ALMS1: variants seen among roughly 807,000 people sequenced by gnomAD.
ALMS1 encodes the protein ALMS1 centrosome and basal body associated protein.
ALMS1 carries 271 observed loss-of-function variants against 352.2 expected under a neutral mutation model. The observed-to-expected ratio is 0.77, with a 90% CI of 0.70 to 0.85. The LOEUF (loss-of-function observed/expected upper bound fraction) is 0.85. Ranked by LOEUF, ALMS1 falls within the 40% of genes least tolerant of loss-of-function variation. The pLI is 0.00. For missense variants in ALMS1, 5,445 were observed against 4,870.7 expected (o/e 1.12, Z -3.51); for synonymous variants, 1,865 against 1,761.2 (o/e 1.06, Z -1.48).
intron 10 of ALMS1, among the ~76,000 whole-genome samples, chr2:73,493,247 A>G (rs1458652691): frequency 1.3e-5 from 2 of 151,994 alleles, no homozygotes; most frequent in East Asian, 1.9e-4. Flanking sequence ...CCTGAGACTT[A>G]GAGAAAATAT....
chr2:73,573,127 C>G lies in ALMS1; in HGVS notation c.11250C>G (p.Thr3750=). The G allele has an allele frequency of 6.2e-7, 1 of 1,613,974 alleles. No homozygotes were observed. Among genetic ancestry groups the G allele is most frequent in the East Asian group, 2.2e-5 (1 of 44,870 alleles). ...AGAGTGAGCTGCTCACAGATACTAC[C>G]ACCAACATCCTTTCCGGCACCACTT... The part of the protein sequence containing the change: ...SEESELLTDT[T]TNILSGTTST... Residue 3750 remains threonine, a synonymous_variant, in exon 16 of 23, where the codon ACC becomes ACG. Coordinates refer to ENST00000613296, the MANE Select transcript of ALMS1 (RefSeq NM_001378454.1).
At chr2:73,411,252 A>T (rs1342577454) in intron 2 of ALMS1, among the ~76,000 whole-genome samples, 1 of 151,982 alleles carries the variant, frequency 6.6e-6, no homozygotes, top group African/African-American at 2.4e-5. Flanking sequence ...AGAAATTGGA[A>T]TTATGCTGCC....
chr2:73,447,927 T>C, intron 7 of ALMS1, 33 bp from the exon 8 acceptor site: 2 of 1,556,472 alleles, frequency 1.3e-6, no homozygotes, highest in Non-Finnish European at 1.7e-6. Flanking sequence ...ATAGAAAATT[T>C]TATATACTAT....
intron 9 of ALMS1, among the ~76,000 whole-genome samples, chr2:73,464,440 G>A (rs1223933440): frequency 2.0e-5 from 3 of 152,180 alleles, no homozygotes; most frequent in Non-Finnish European, 4.4e-5. Context: ...TTGATGGGAT[G>A]TATCTCAAAA....
chr2:73,453,873 A>G lies in ALMS1; in HGVS notation c.7346A>G (p.Tyr2449Cys), dbSNP rs766767334. ...GATGTTCTTCTAAACTTCTTTCCAT[A>G]TGTTTCACCCAAGACAAGTATAACA... ...VSDVLLNFFPYVSPKTSITDS... is the reference protein window; with the variant it reads ...VSDVLLNFFPCVSPKTSITDS... The change falls in exon 8 of 23, where the codon TAT (tyrosine) becomes TGT (cysteine). Residue 2449 changes from tyrosine to cysteine, a missense_variant. Tyr to Cys is a radical substitution (Grantham distance 194, BLOSUM62 -2). Coordinates refer to ENST00000613296, the MANE Select transcript of ALMS1 (RefSeq NM_001378454.1). 1.2e-5 allele frequency: 19 copies of G among 1,614,146 alleles called. No individual in the cohort carries two copies. Among genetic ancestry groups the G allele is most frequent in the Non-Finnish European group, 1.5e-5 (18 of 1,180,016 alleles).
chr2:73,553,858 G>A (rs1027869633), intron 13 of ALMS1, among the ~76,000 whole-genome samples: 3 of 152,062 alleles, frequency 2.0e-5, no homozygotes, highest in Non-Finnish European at 4.4e-5. Context: ...ATAAATCCCA[G>A]AACTGAAAGA....
intron 9 of ALMS1, among the ~76,000 whole-genome samples, chr2:73,473,702 G>GA (rs1221973348): frequency 1.3e-5 from 2 of 151,984 alleles, no homozygotes; most frequent in Admixed American, 1.3e-4. Context: ...TTATAAAAAG[G>GA]AAACAAATAG....
At chr2:73,428,359 A>G (rs1176833384) in intron 6 of ALMS1, among the ~76,000 whole-genome samples, 1 of 152,136 alleles carries the variant, frequency 6.6e-6, no homozygotes, top group East Asian at 1.9e-4. Flanking sequence ...CCACCATACC[A>G]TAAACTGTTC....
At position 73,450,134 on chromosome 2, in the gene ALMS1, C is replaced by G. The variant is rs1390041569; in HGVS notation, c.3607C>G (p.Gln1203Glu). Residue 1203 changes from glutamine (Q) to glutamate (E), a missense_variant, in exon 8 of 23, where the codon CAA becomes GAA. By Grantham distance (29) the Gln-to-Glu change is conservative. Transcript: ENST00000613296. ...SQREKPGIFY[Q>E]QTLPGSHIPE... ...AAGAGAGAAACCTGGTATTTTCTAT[C>G]AACAGACCTTGCCAGGTAGTCACAT... 1.9e-6 allele frequency: 3 copies of G among 1,613,934 alleles called. No individual in the cohort carries two copies. The highest frequency in any genetic ancestry group is 2.5e-6 in the Non-Finnish European group (3 of 1,179,982).
At chr2:73,474,530 A>G (rs1672543756) in intron 9 of ALMS1, among the ~76,000 whole-genome samples, 1 of 152,008 alleles carries the variant, frequency 6.6e-6, no homozygotes. Flanking sequence ...GCTGGAGTGT[A>G]GTGGCTGGAT....
At chr2:73,570,382 G>A (rs1674900255) in intron 15 of ALMS1, among the ~76,000 whole-genome samples, 1 of 152,144 alleles carries the variant, frequency 6.6e-6, no homozygotes, top group Admixed American at 6.5e-5. Flanking sequence ...AATATAGACT[G>A]AGAACATTTC....
At chr2:73,488,366 C>G (rs1348056744) in intron 9 of ALMS1, among the ~76,000 whole-genome samples, 1 of 152,234 alleles carries the variant, frequency 6.6e-6, no homozygotes, top group East Asian at 1.9e-4. Flanking sequence ...TGGACTTGGC[C>G]TCAACTTTGC....
Position 73,453,412 on chromosome 2 carries a change from A to G in ALMS1, c.6885A>G (p.Ile2295Met). Residue 2295 changes from isoleucine to methionine, a missense_variant, in exon 8 of 23, where the codon ATA becomes ATG. Transcript: ENST00000613296. The part of the protein sequence containing the change: ...RFRDISDISF[I>M]QSKKVVCFKE... ...GAGATATTAGTGATATTTCATTTAT[A>G]CAATCTAAGAAGGTGGTTTGCTTCA... 6.2e-7 allele frequency: 1 copy of G among 1,613,800 alleles called. No homozygotes were observed. Among genetic ancestry groups the G allele is most frequent in the Non-Finnish European group, 8.5e-7 (1 of 1,179,880 alleles).
At position 73,419,309 on chromosome 2, in the gene ALMS1, C is replaced by G. The variant is rs1671242013; in HGVS notation, c.637C>G (p.Pro213Ala). 1.9e-6 allele frequency: 3 copies of G among 1,613,642 alleles called. No homozygotes were observed. The highest frequency in any genetic ancestry group is 2.7e-5 in the African/African-American group (2 of 75,056). The change falls in exon 3 of 23, where the codon CCA becomes GCA. Residue 213 changes from proline (P) to alanine (A), a missense_variant. Transcript: ENST00000613296. The part of the protein sequence containing the change: ...KEPNRDLFCS[P>A]LLVIQDSFAS... The stretch of plus-strand genomic sequence containing the variant: ...ACCCAACAGAGATCTCTTCTGTTCT[C>G]CACTGCTAGGTAATGCCTGTTTATT...
At chr2:73,467,957 A>G (rs1672391037) in intron 9 of ALMS1, among the ~76,000 whole-genome samples, 1 of 152,094 alleles carries the variant, frequency 6.6e-6, no homozygotes, top group African/African-American at 2.4e-5. Context: ...GAAGACGCAC[A>G]AGAGGTCTTC....
rs762635802 is a variant in ALMS1, at chr2:73,386,086, ACGAGGAGGC to A, written c.220_228del (p.Glu74_Ala76del). 1 of 1,596,732 alleles carries A rather than the reference ACGAGGAGGC, an allele frequency of 6.3e-7. No individual in the cohort carries two copies. The highest frequency in any genetic ancestry group is 1.3e-5 in the African/African-American group (1 of 74,620). On this transcript the variant is annotated inframe_deletion, in exon 1 of 23. Coordinates refer to ENST00000613296, the MANE Select transcript of ALMS1 (RefSeq NM_001378454.1). ...CTGGAAAGTATAGACGACGAGGAGG[ACGAGGAGGC>A]CAAGGCCTGGCTGCAGGCGCACCCC...
Position 73,450,642 on chromosome 2 carries a change from G to T in ALMS1, c.4115G>T (p.Gly1372Val), listed in dbSNP as rs1439442789. ...VASEPVDQTT[G>V]TPTVTSTSYS... ...TCTGAACCAGTTGACCAGACAACTG[G>T]CACACCAACTGTAACCTCTACTTCT... is the stretch of plus-strand genomic sequence containing the variant. The change falls in exon 8 of 23, where the codon GGC becomes GTC. Residue 1372 changes from glycine (G) to valine (V), a missense_variant. Gly to Val is a moderately radical substitution (Grantham distance 109). Coordinates refer to ENST00000613296, the MANE Select transcript of ALMS1 (RefSeq NM_001378454.1). 7 of 1,613,220 alleles carry T rather than the reference G, an allele frequency of 4.3e-6. No homozygotes were observed. The East Asian group carries it at 1.6e-4, about 36-fold the overall frequency.
At chr2:73,472,960 A>G (rs1174412237) in intron 9 of ALMS1, among the ~76,000 whole-genome samples, 1 of 152,096 alleles carries the variant, frequency 6.6e-6, no homozygotes, top group Non-Finnish European at 1.5e-5. Context: ...GATAAAAATT[A>G]GGACAATGAA....
At chr2:73,441,546 G>GC (rs1288750782) in intron 7 of ALMS1, among the ~76,000 whole-genome samples, 3 of 152,098 alleles carry the variant, frequency 2.0e-5, no homozygotes, top group Non-Finnish European at 4.4e-5. Context: ...TTGGTCCATG[G>GC]CCCACAGACA....
Sources: gnomAD v4.1 joint callset for allele counts (sites outside exome capture counted in the v4.1 genomes callset) on GRCh38, gnomAD v4.1.1 for gene constraint, MANE v1.5 for transcripts, NCBI Gene and HGNC (gene_info 2026-07-23, HGNC 2026-07-21) for gene names.